Variants in SMG5 observed in about 807,000 individuals in gnomAD.
SMG5 encodes SMG5 nonsense mediated mRNA decay factor.
In SMG5, 53 loss-of-function variants were observed where a neutral mutation model predicts 122.9. The observed-to-expected ratio is 0.43, with a 90% CI of 0.35 to 0.54. The LOEUF is 0.54. Among genes scored for constraint, SMG5 ranks in the 20% least tolerant of loss-of-function variants. SMG5 has a pLI of 0.01. For synonymous variants in SMG5, 477 were observed against 490.2 expected, an observed-to-expected ratio of 0.97 and a Z score of 0.35; for missense variants, 1,153 against 1,285.6, an observed-to-expected ratio of 0.90 and a Z score of 1.58.
At chr1:156,251,884 C>A (rs1661372177) in intron 19 of SMG5, among the ~76,000 whole-genome samples, 1 of 152,206 alleles carries the variant, frequency 6.6e-6, no homozygotes, top group South Asian at 2.1e-4. Context: ...AGTTCTCCTC[C>A]AGCCCCAAAG....
chr1:156,278,175 A>T, intron 2 of SMG5, 127 bp from the exon 3 acceptor site: 5 of 1,223,520 alleles, frequency 4.1e-6, no homozygotes, highest in Non-Finnish European at 4.5e-6. Context: ...AGAGACATGC[A>T]GGGTCAATAT....
At chr1:156,269,047 T>C (rs972385033) in intron 7 of SMG5, among the ~76,000 whole-genome samples, 4 of 152,038 alleles carry the variant, frequency 2.6e-5, no homozygotes, top group African/African-American at 9.6e-5. Context: ...CTCAGCTCAC[T>C]GCAACATCCG....
Position 156,252,505 on chromosome 1 carries a change from C to G in SMG5, c.2663-1G>C. On this transcript the variant is annotated splice_acceptor_variant, in intron 18 of 21. Transcript: ENST00000361813. LOFTEE classifies it high-confidence loss of function. ...TTCAGCAAATCCAGGCCATCGATCA[C>G]TGGTGGGCAAGGTAGGGAAAGACAA... 1.2e-6 allele frequency: 2 copies of G among 1,614,014 alleles called. No individual in the cohort carries two copies.
At chr1:156,281,776 T>C (rs528298778) in intron 1 of SMG5, among the ~76,000 whole-genome samples, 5 of 152,330 alleles carry the variant, frequency 3.3e-5, no homozygotes, top group East Asian at 3.9e-4. Context: ...GCGGAGCCCA[T>C]GTTCCAGTTG....
the SMG5 span, among the ~76,000 whole-genome samples, chr1:156,288,253 T>C: frequency 6.6e-6 from 1 of 151,606 alleles, no homozygotes; most frequent in African/African-American, 2.4e-5. Context: ...ACTGTTAATC[T>C]AGAAGGCACC....
intron 12 of SMG5, 124 bp from the exon 13 acceptor site, chr1:156,263,694 A>T (rs780620256): frequency 1.2e-5 from 13 of 1,065,630 alleles, no homozygotes; most frequent in Non-Finnish European, 1.7e-5. Flanking sequence ...GAATTTGGAT[A>T]TGAAAAATCT....
chr1:156,291,312 C>A, the SMG5 span: 1 of 1,412,564 alleles, frequency 7.1e-7, no homozygotes, highest in South Asian at 1.2e-5. Flanking sequence ...CTACTCCCCC[C>A]ACCGTCAGCC....
In SMG5 at chr1:156,264,951, G is replaced by A. The variant is rs541728091; in HGVS notation, c.1855+830C>T. On this transcript the variant is annotated intron_variant, in intron 12 of 21. Transcript: ENST00000361813. ...TGAGGCAGAAGAATCACTTCAACCTGGGAGGCAGAAGCTGCAGTGAGCCGA... is the reference window on the plus strand; with the variant it reads ...TGAGGCAGAAGAATCACTTCAACCTAGGAGGCAGAAGCTGCAGTGAGCCGA... Among the ~76,000 whole-genome samples the A allele has an allele frequency of 7.2e-5, 11 of 151,900 alleles. 1 individual carries two copies. In the South Asian group the frequency reaches 1.9e-3, roughly 26 times the overall value.
intron 16 of SMG5, among the ~76,000 whole-genome samples, chr1:156,256,671 C>T (rs959252835): frequency 6.6e-6 from 1 of 152,092 alleles, no homozygotes; most frequent in Non-Finnish European, 1.5e-5. Context: ...ACCAACCCAG[C>T]ATTTCAAACA....
At chr1:156,271,569 T>G (rs892534282) in intron 7 of SMG5, among the ~76,000 whole-genome samples, 6 of 82,512 alleles carry the variant, frequency 7.3e-5, no homozygotes, top group Non-Finnish European at 1.6e-4. Context: ...TGAAGAGGTT[T>G]TTTTTTTTTT....
intron 12 of SMG5, among the ~76,000 whole-genome samples, chr1:156,264,993 T>G (rs1299567564): frequency 6.9e-6 from 1 of 145,406 alleles, no homozygotes; most frequent in Non-Finnish European, 1.5e-5. Context: ...GCCACTGCCC[T>G]CCAGCCTGGG....
At chr1:156,260,371 C>A (rs1661761739) in intron 15 of SMG5, 80 bp downstream of exon 15, 3 of 1,505,686 alleles carry the variant, frequency 2.0e-6, no homozygotes, top group Non-Finnish European at 2.7e-6. Context: ...ATCCTGCCCC[C>A]TCCCTCCCCA....
chr1:156,270,686 G>A (rs1252852285), intron 7 of SMG5, among the ~76,000 whole-genome samples: 3 of 152,172 alleles, frequency 2.0e-5, no homozygotes, highest in African/African-American at 2.4e-5. Context: ...AGTAAAGGGG[G>A]GTCATTCTCA....
intron 2 of SMG5, among the ~76,000 whole-genome samples, chr1:156,278,333 A>G (rs930022152): frequency 6.7e-6 from 1 of 148,742 alleles, no homozygotes; most frequent in African/African-American, 2.5e-5. Context: ...TTTTCCCTTC[A>G]TTATGCAGTA....
In SMG5 at chr1:156,249,728, G is replaced by C; in HGVS notation, c.*859C>G. On this transcript the variant is annotated 3_prime_UTR_variant, in exon 22 of 22. Coordinates refer to ENST00000361813, the MANE Select transcript of SMG5 (RefSeq NM_015327.3). ...CAGCCCTCCCTTAGATAGGAAGGGG[G>C]GTGGTGGCCTCAGACTGCACCCCCT... is the stretch of plus-strand genomic sequence containing the variant. 2.1e-6 allele frequency: 1 copy of C among 469,654 alleles called. No individual in the cohort carries two copies. The highest frequency in any genetic ancestry group is 2.0e-5 in the African/African-American group (1 of 50,156). 29.1% of individuals were successfully genotyped at this position (469,654 alleles called of 1,614,324 possible). A position where few individuals can be genotyped will look rare whatever the true frequency, so the allele number is the denominator to read the frequency against.
chr1:156,273,456 C>T lies in SMG5; in HGVS notation c.545-6G>A. 1.2e-6 allele frequency: 2 copies of T among 1,613,388 alleles called. No homozygotes were observed. Among genetic ancestry groups the T allele is most frequent in the South Asian group, 1.1e-5 (1 of 90,986 alleles). On this transcript the variant is annotated splice_region_variant and splice_polypyrimidine_tract_variant and intron_variant, in intron 5 of 21. Transcript: ENST00000361813. ...TAATTCATTCTGATATCGGGCTGCA[C>T]AAGAGAGAAAACGAAGGGAAACTCG...
intron 1 of SMG5, 35 bp downstream of exon 1, chr1:156,282,572 C>G (rs1160300657): frequency 9.4e-6 from 15 of 1,588,310 alleles, no homozygotes; most frequent in Non-Finnish European, 1.3e-5. Flanking sequence ...CCCCACTTCC[C>G]TCGGTGGCTG....
chr1:156,263,342 C>T lies in SMG5; in HGVS notation c.2031+53G>A. 3.9e-6 allele frequency: 6 copies of T among 1,556,528 alleles called. No homozygotes were observed. In the South Asian group the frequency reaches 4.8e-5, roughly 12 times the overall value. On this transcript the variant is annotated intron_variant, in intron 13 of 21. Transcript: ENST00000361813. ...TCCTCAGGCCCCATCCTGGCTCATC[C>T]CCTCCTCCAAGACCCTGGGACCTGA...
chr1:156,264,274 A>G, intron 12 of SMG5, among the ~76,000 whole-genome samples: 1 of 150,324 alleles, frequency 6.7e-6, no homozygotes, highest in Non-Finnish European at 1.5e-5. Context: ...TCTCAAAAAA[A>G]AAAAAAAAAA....
Sources: allele counts gnomAD v4.1 joint callset (sites outside exome capture counted in the v4.1 genomes callset), GRCh38; gene constraint gnomAD v4.1.1; transcripts MANE v1.5; gene names NCBI Gene and HGNC (gene_info 2026-07-23, HGNC 2026-07-21).